The following CHD6 variants were observed in gnomAD, a reference collection of about 807,000 sequenced individuals.
CHD6 encodes chromodomain helicase DNA binding protein 6.
A neutral mutation model predicts 276.9 loss-of-function variants in CHD6; 50 were observed. That is an observed-to-expected ratio of 0.18 (90% CI 0.14 to 0.23). The LOEUF (loss-of-function observed/expected upper bound fraction) is 0.23. Among genes scored for constraint, CHD6 ranks in the 10% least tolerant of loss-of-function variants. The pLI is 1.00. For missense variants in CHD6, 2,564 were observed against 3,365.8 expected, an observed-to-expected ratio of 0.76 and a Z score of 5.89; for synonymous variants, 1,173 against 1,229.3, an observed-to-expected ratio of 0.95 and a Z score of 0.96.
At chr20:41,610,915 G>A (rs1332132867) in intron 1 of CHD6, among the ~76,000 whole-genome samples, 1 of 152,156 alleles carries the variant, frequency 6.6e-6, no homozygotes, top group Non-Finnish European at 1.5e-5. Flanking sequence ...GAACTACAGT[G>A]TTATACTTAA....
At position 41,512,821 on chromosome 20, in the gene CHD6, C is replaced by T. The variant is rs368650673; in HGVS notation, c.852+25G>A. 2.5e-6 allele frequency: 4 copies of T among 1,613,468 alleles called. No individual in the cohort carries two copies. In the African/African-American group the frequency reaches 4.0e-5, roughly 16 times the overall value. ...GTCAAAATGACTGTCCAGCCAAGGT[C>T]AGTAACCTCATGCAAAGGCCATACC... is the stretch of plus-strand genomic sequence containing the variant. On this transcript the variant is annotated intron_variant, in intron 5 of 36. Coordinates refer to ENST00000373233, the MANE Select transcript of CHD6 (RefSeq NM_032221.5).
intron 27 of CHD6, among the ~76,000 whole-genome samples, chr20:41,430,203 C>G (rs2047492326): frequency 6.6e-6 from 1 of 152,226 alleles, no homozygotes; most frequent in African/African-American, 2.4e-5. Flanking sequence ...ACCTCAGAAT[C>G]TGGGGAAATC....
chr20:41,501,823 AGTC>A (rs1341669467), intron 5 of CHD6, among the ~76,000 whole-genome samples: 1 of 152,186 alleles, frequency 6.6e-6, no homozygotes, highest in African/African-American at 2.4e-5. Flanking sequence ...TGATAATGTC[AGTC>A]TTTAGCATGT....
intron 17 of CHD6, 36 bp from the exon 18 acceptor site, chr20:41,457,464 G>C: frequency 6.3e-7 from 1 of 1,589,730 alleles, no homozygotes; most frequent in Non-Finnish European, 8.6e-7. Flanking sequence ...TCACGTCACC[G>C]TATGTATAAA....
intron 6 of CHD6, 55 bp downstream of exon 6, chr20:41,499,240 A>C: frequency 2.2e-6 from 3 of 1,388,114 alleles, no homozygotes; most frequent in Non-Finnish European, 3.0e-6. Context: ...AAATCTCTTC[A>C]CAGAAGATGT....
chr20:41,514,720 G>C, intron 4 of CHD6, 85 bp downstream of exon 4: 1 of 1,461,132 alleles, frequency 6.8e-7, no homozygotes, highest in Non-Finnish European at 9.4e-7. Context: ...GCTAGAGAAA[G>C]GCATAGAGGA....
chr20:41,585,291 G>A (rs1427318102), intron 1 of CHD6, among the ~76,000 whole-genome samples: 1 of 152,086 alleles, frequency 6.6e-6, no homozygotes, highest in Admixed American at 6.6e-5. Context: ...ATCACCTGAG[G>A]TTGGGAGTTC....
intron 16 of CHD6, among the ~76,000 whole-genome samples, chr20:41,475,417 G>T (rs535144718): frequency 6.6e-6 from 1 of 152,172 alleles, no homozygotes; most frequent in Non-Finnish European, 1.5e-5. Flanking sequence ...AGGACAGAAA[G>T]GTTTTCCTAA....
At chr20:41,593,155 T>C (rs960164867) in intron 1 of CHD6, among the ~76,000 whole-genome samples, 4 of 147,612 alleles carry the variant, frequency 2.7e-5, no homozygotes, top group Non-Finnish European at 4.5e-5. Context: ...TATCCAAATG[T>C]TTTGATAAGG....
At chr20:41,405,801 G>C (rs1004514245) in intron 36 of CHD6, among the ~76,000 whole-genome samples, 1 of 152,038 alleles carries the variant, frequency 6.6e-6, no homozygotes, top group Non-Finnish European at 1.5e-5. Context: ...GAAGAGAGTG[G>C]GGAGCTGGAG....
chr20:41,520,361 C>T (rs1249702561), intron 3 of CHD6, among the ~76,000 whole-genome samples: 1 of 152,124 alleles, frequency 6.6e-6, no homozygotes, highest in Non-Finnish European at 1.5e-5. Flanking sequence ...GCTATAAAGA[C>T]ACATGCACAC....
intron 1 of CHD6, among the ~76,000 whole-genome samples, chr20:41,599,460 A>G (rs2045751891): frequency 6.6e-6 from 1 of 152,140 alleles, no homozygotes; most frequent in African/African-American, 2.4e-5. Flanking sequence ...TGCAATTGCT[A>G]TAGGTGTACT....
intron 16 of CHD6, among the ~76,000 whole-genome samples, chr20:41,475,662 TCC>T (rs1003916482): frequency 6.6e-6 from 1 of 151,554 alleles, no homozygotes. Context: ...AACAGCCATT[TCC>T]CCCCCTCTAC....
intron 31 of CHD6, among the ~76,000 whole-genome samples, chr20:41,419,085 G>C (rs375306864): frequency 4.6e-5 from 7 of 152,256 alleles, no homozygotes; most frequent in African/African-American, 1.7e-4. Context: ...GCAATGCTTC[G>C]TGGCCTGCCA....
At chr20:41,491,071 G>A (rs989406829) in intron 11 of CHD6, among the ~76,000 whole-genome samples, 3 of 151,968 alleles carry the variant, frequency 2.0e-5, no homozygotes, top group African/African-American at 4.8e-5. Flanking sequence ...TGTGAAGGCC[G>A]AGGACATTAC....
Position 41,512,898 on chromosome 20 carries a change from C to A in CHD6, c.800G>T (p.Gly267Val). 1 of 1,614,068 alleles carries A rather than the reference C, an allele frequency of 6.2e-7. No homozygotes were observed. Among genetic ancestry groups the A allele is most frequent in the Non-Finnish European group, 8.5e-7 (1 of 1,179,954 alleles). ...DDDGETIAVL[G>V]AGRTSALSAS... is the part of the protein sequence containing the mutation. ...TGAGAGTGCAGATGTTCGACCAGCT[C>A]CAAGAACAGCAATTGTTTCCCCATC... is the stretch of plus-strand genomic sequence containing the variant. The change falls in exon 5 of 37, where the codon GGA becomes GTA. Residue 267 changes from glycine to valine, a missense_variant. By Grantham distance (109) the Gly-to-Val change is moderately radical (BLOSUM62 -3). Coordinates refer to ENST00000373233, the MANE Select transcript of CHD6 (RefSeq NM_032221.5).
intron 1 of CHD6, among the ~76,000 whole-genome samples, chr20:41,577,151 A>C (rs184288518): frequency 2.0e-5 from 3 of 152,334 alleles, no homozygotes; most frequent in Admixed American, 2.0e-4. Context: ...GCAGAAATAA[A>C]CTTAGAACGA....
intron 1 of CHD6, among the ~76,000 whole-genome samples, chr20:41,601,555 A>C (rs774974666): frequency 1.4e-4 from 22 of 152,240 alleles, no homozygotes; most frequent in Non-Finnish European, 1.9e-4. Context: ...GGGATCTGCC[A>C]GGAAAGGTAT....
chr20:41,424,409 G>A (rs1296347348), intron 29 of CHD6, among the ~76,000 whole-genome samples: 3 of 152,228 alleles, frequency 2.0e-5, no homozygotes, highest in Non-Finnish European at 4.4e-5. Context: ...AGGGAGTCTA[G>A]CTAGGCATGG....
Sources: allele counts gnomAD v4.1 joint callset (sites outside exome capture counted in the v4.1 genomes callset), GRCh38; gene constraint gnomAD v4.1.1; transcripts MANE v1.5; gene names NCBI Gene and HGNC (gene_info 2026-07-23, HGNC 2026-07-21).